Variants in GRIK5 observed in about 807,000 individuals in gnomAD.
GRIK5 encodes the protein glutamate receptor ionotropic, kainate 5.
Under a neutral mutation model 97.4 loss-of-function variants are expected in GRIK5, and 43 were observed. The ratio of observed to expected loss-of-function variants is 0.44; its 90% CI spans 0.35 to 0.57. The LOEUF (loss-of-function observed/expected upper bound fraction) is 0.57, where lower values mean the gene tolerates loss of function less well. GRIK5 is among the 20% of genes least tolerant of loss of function. GRIK5 has a pLI of 0.01. For synonymous variants in GRIK5, 580 were observed against 583.5 expected, an observed-to-expected ratio of 0.99 and a Z score of 0.09; for missense variants, 1,015 against 1,382.0, an observed-to-expected ratio of 0.73 and a Z score of 4.21.
chr19:42,017,676 C>G (rs924439205), intron 15 of GRIK5, among the ~76,000 whole-genome samples: 1 of 152,100 alleles, frequency 6.6e-6, no homozygotes, highest in Non-Finnish European at 1.5e-5. Flanking sequence ...GGGTGGCTAA[C>G]CGGGCGAATG....
Position 42,042,780 on chromosome 19 carries a change from G to A in GRIK5, c.1270-25C>T, listed in dbSNP as rs2075995005. 1.9e-6 allele frequency: 3 copies of A among 1,589,576 alleles called. No homozygotes were observed. The highest frequency in any genetic ancestry group is 1.3e-5 in the African/African-American group (1 of 74,572). Reference sequence around the variant, plus strand: ...CCTGGGTGGGCAGAAGAAAGCAGGGGTCAGAGGCTGGGTGTCTAGTGGCTG... The same window carrying A: ...CCTGGGTGGGCAGAAGAAAGCAGGGATCAGAGGCTGGGTGTCTAGTGGCTG... On this transcript the variant is annotated intron_variant, in intron 11 of 19. Coordinates refer to ENST00000593562, the MANE Select transcript of GRIK5 (RefSeq NM_002088.5). The surrounding 1 kb of genome is among the most constrained non-coding windows in gnomAD (Gnocchi z 6.9).
In GRIK5 at chr19:42,022,072, G is replaced by C. The variant is rs768692558; in HGVS notation, c.1588-16C>G. The C allele has an allele frequency of 7.6e-6, 12 of 1,576,184 alleles. No individual in the cohort carries two copies. The highest frequency in any genetic ancestry group is 1.7e-5 in the Admixed American group (1 of 58,594). ...GCTTGCGGCCCTGTGGGGAGAGGGA[G>C]TGAGACCCGGAGACACCCCTGGCCT... On this transcript the variant is annotated splice_polypyrimidine_tract_variant and intron_variant, in intron 13 of 19. Transcript: ENST00000593562. The surrounding 1 kb of genome is among the most constrained non-coding windows in gnomAD (Gnocchi z 4.2).
chr19:42,022,431 C>A lies in GRIK5; in HGVS notation c.1474-77G>T. 6.7e-7 allele frequency: 1 copy of A among 1,491,622 alleles called. No individual in the cohort carries two copies. 92.4% of individuals were successfully genotyped at this position (1,491,622 alleles called of 1,614,324 possible). A position where few individuals can be genotyped will look rare whatever the true frequency, so the allele number is the denominator to read the frequency against. On this transcript the variant is annotated intron_variant, in intron 12 of 19. Transcript: ENST00000593562. This position sits in a 1 kb window ranked among gnomAD's most constrained non-coding sequence, Gnocchi z 4.2. Reference sequence around the variant, plus strand: ...AAGTGGACAGTTAGAGAGAAATGCACGGAGAGTGAGCAACTGAGGGAGGCG... The same window carrying A: ...AAGTGGACAGTTAGAGAGAAATGCAAGGAGAGTGAGCAACTGAGGGAGGCG...
chr19:42,018,311 G>A (rs1163636553), intron 15 of GRIK5, among the ~76,000 whole-genome samples: 3 of 147,772 alleles, frequency 2.0e-5, no homozygotes, highest in Non-Finnish European at 3.0e-5. Context: ...GCGACAGAGC[G>A]AGACTCTGTC....
chr19:42,053,997 C>A lies in GRIK5; in HGVS notation c.1057-68G>T, dbSNP rs181204032. The A allele has an allele frequency of 8.8e-6, 9 of 1,024,182 alleles. No homozygotes were observed. In the South Asian group the frequency reaches 9.2e-5, roughly 10 times the overall value. The allele number at this position is 1,024,182 out of a possible 1,614,324, so 63.4% of individuals were successfully genotyped here. A position where few individuals can be genotyped will look rare whatever the true frequency, so the allele number is the denominator to read the frequency against. On this transcript the variant is annotated intron_variant, in intron 9 of 19. Transcript: ENST00000593562. ...CCAGAGATGGGCAGGGAAGGCCCAA[C>A]GTGGTGAGACATCCACAGAGAAAGG...
In GRIK5 at chr19:42,065,400, A is replaced by G. The variant is rs568695394; in HGVS notation, c.80-13T>C. On this transcript the variant is annotated splice_polypyrimidine_tract_variant and intron_variant, in intron 2 of 19. Coordinates refer to ENST00000593562, the MANE Select transcript of GRIK5 (RefSeq NM_002088.5). This position sits in a 1 kb window ranked among gnomAD's most constrained non-coding sequence, Gnocchi z 5.8. ...TCCAGGATTGCAGCTGAGGGGACAC[A>G]TGGGTTGGGGACCAGACTCCTGAGT... 7.0e-6 allele frequency: 11 copies of G among 1,570,618 alleles called. No individual in the cohort carries two copies. Among genetic ancestry groups the G allele is most frequent in the African/African-American group, 6.7e-5 (5 of 74,558 alleles).
chr19:42,045,798 C>T (rs531381212), intron 11 of GRIK5, among the ~76,000 whole-genome samples: 4 of 152,258 alleles, frequency 2.6e-5, no homozygotes, highest in Non-Finnish European at 5.9e-5. Context: ...CGTGGGATGG[C>T]AGTATTATTA....
intron 11 of GRIK5, among the ~76,000 whole-genome samples, chr19:42,045,982 C>T (rs1383836702): frequency 6.6e-6 from 1 of 152,142 alleles, no homozygotes; most frequent in African/African-American, 2.4e-5. Context: ...ACGAGGGACC[C>T]AGGTTGGGTA....
intron 6 of GRIK5, among the ~76,000 whole-genome samples, chr19:42,057,982 G>C (rs1051566008): frequency 2.0e-5 from 3 of 152,138 alleles, no homozygotes; most frequent in African/African-American, 7.2e-5. Context: ...CATCACGTGG[G>C]TGTCAGGGAA....
intron 15 of GRIK5, among the ~76,000 whole-genome samples, chr19:42,012,224 GTGTATGTATGTATGTA>G (rs541112270): frequency 6.6e-6 from 1 of 151,354 alleles, no homozygotes; most frequent in South Asian, 2.1e-4. Context: ...ATACATGTAT[GTGTATGTATGTATGTA>G]TGTATGTATG....
intron 12 of GRIK5, among the ~76,000 whole-genome samples, chr19:42,034,228 G>A (rs183077099): frequency 8.5e-5 from 13 of 152,248 alleles, no homozygotes; most frequent in Middle Eastern, 3.4e-3. Context: ...AGGCGTGATG[G>A]AGCGTGCCTG....
chr19:42,022,624 C>G lies in GRIK5; in HGVS notation c.1474-270G>C. 1 of 985,108 alleles carries G rather than the reference C, an allele frequency of 1.0e-6. No homozygotes were observed. Among genetic ancestry groups the G allele is most frequent in the Non-Finnish European group, 1.2e-6 (1 of 829,880 alleles). The allele number at this position is 985,108 out of a possible 1,614,324, so 61.0% of individuals were successfully genotyped here. On this transcript the variant is annotated intron_variant, in intron 12 of 19. Transcript: ENST00000593562. The surrounding 1 kb of genome is among the most constrained non-coding windows in gnomAD (Gnocchi z 4.2). ...CTCAACTGTGTCCCAGCATCAAGGG[C>G]TGGGGATGGAGGGGTTCCCCAAACT...
Position 42,002,679 on chromosome 19 carries a change from G to C in GRIK5, c.2514+653C>G. On this transcript the variant is annotated intron_variant, in intron 19 of 19. Coordinates refer to ENST00000593562, the MANE Select transcript of GRIK5 (RefSeq NM_002088.5). This position sits in a 1 kb window ranked among gnomAD's most constrained non-coding sequence, Gnocchi z 5.2. ...GCACGAATGGGTCTGGAAATGCAGG[G>C]GTGTGGCTGGGCGGCCCCCAGGGAC... The C allele has an allele frequency of 1.6e-6, 1 of 609,714 alleles. No individual in the cohort carries two copies. The highest frequency in any genetic ancestry group is 2.0e-5 in the South Asian group (1 of 49,934). 37.8% of individuals were successfully genotyped at this position (609,714 alleles called of 1,614,324 possible). A position where few individuals can be genotyped will look rare whatever the true frequency, so the allele number is the denominator to read the frequency against.
chr19:42,017,360 C>A (rs2075637183), intron 15 of GRIK5, among the ~76,000 whole-genome samples: 1 of 152,242 alleles, frequency 6.6e-6, no homozygotes, highest in Non-Finnish European at 1.5e-5. Context: ...TTGGAAGTCA[C>A]TTCCCTGCTT....
chr19:42,038,025 G>A (rs978522832), intron 12 of GRIK5, among the ~76,000 whole-genome samples: 10 of 152,202 alleles, frequency 6.6e-5, no homozygotes, highest in Non-Finnish European at 1.2e-4. Context: ...AGCTTCCTGG[G>A]ACCCTGACCT....
chr19:42,005,759 G>A lies in GRIK5; in HGVS notation c.2227C>T (p.Leu743Phe), dbSNP rs1401435926. The part of the protein sequence containing the change: ...NCNLTQIGGL[L>F]DTKGYGIGMP... ...CCAATGCCGTAGCCCTTGGTGTCGA[G>A]GAGTCCCCCGATCTGGGTGAGGTTG... Residue 743 changes from leucine to phenylalanine, a missense_variant, in exon 17 of 20, where the codon CTC becomes TTC. Physicochemically the swap from Leu to Phe is conservative, Grantham distance 22. Around this residue, in one of 5 missense-constraint regions of GRIK5, gnomAD observed 229 missense variants for 341.0 expected, o/e 0.67. Coordinates refer to ENST00000593562, the MANE Select transcript of GRIK5 (RefSeq NM_002088.5). 7 of 1,613,888 alleles carry A rather than the reference G, an allele frequency of 4.3e-6. No homozygotes were observed. Among genetic ancestry groups the A allele is most frequent in the South Asian group, 1.1e-5 (1 of 91,068 alleles).
rs1259700509 is a variant in GRIK5, at chr19:42,003,533, G to T, written c.2392+22C>A. ...GGCTGGGAGGGGGCTATGGGAAGGGGACACCATACGCGGGAACTGACCTTT... is the reference window on the plus strand; with the variant it reads ...GGCTGGGAGGGGGCTATGGGAAGGGTACACCATACGCGGGAACTGACCTTT... On this transcript the variant is annotated intron_variant, in intron 18 of 19. Transcript: ENST00000593562. The surrounding 1 kb of genome is among the most constrained non-coding windows in gnomAD (Gnocchi z 4.2). The T allele has an allele frequency of 1.9e-6, 3 of 1,606,324 alleles. No individual in the cohort carries two copies. Among genetic ancestry groups the T allele is most frequent in the African/African-American group, 1.3e-5 (1 of 74,802 alleles).
intron 8 of GRIK5, among the ~76,000 whole-genome samples, chr19:42,055,508 A>T (rs2076171851): frequency 6.6e-6 from 1 of 152,144 alleles, no homozygotes; most frequent in South Asian, 2.1e-4. Context: ...AGTGCTGGGG[A>T]TACAATGGTG....
chr19:42,013,479 G>A (rs1185153006), intron 15 of GRIK5, among the ~76,000 whole-genome samples: 4 of 135,398 alleles, frequency 3.0e-5, no homozygotes, highest in East Asian at 2.1e-4. Context: ...GGGCGATCTC[G>A]GCTCACTGCA....
Sources: allele counts gnomAD v4.1 joint callset (sites outside exome capture counted in the v4.1 genomes callset), GRCh38; gene constraint gnomAD v4.1.1; regional missense constraint gnomAD v4.1.1; non-coding constraint Gnocchi (gnomAD v3.1); transcripts MANE v1.5; gene names NCBI Gene and HGNC (gene_info 2026-07-23, HGNC 2026-07-21).